CSMD3: variants seen among roughly 807,000 people sequenced by gnomAD.
CSMD3 encodes the protein CUB and Sushi multiple domains 3.
A neutral mutation model predicts 435.2 loss-of-function variants in CSMD3; 177 were observed. That is an observed-to-expected ratio of 0.41 (90% CI 0.36 to 0.46). The LOEUF (loss-of-function observed/expected upper bound fraction) is 0.46, where lower values mean the gene tolerates loss of function less well. Among genes scored for constraint, CSMD3 ranks in the 20% least tolerant of loss-of-function variants. CSMD3 has a pLI of 0.34. For synonymous variants in CSMD3, 1,656 were observed against 1,520.5 expected (o/e 1.09, Z -2.07); for missense variants, 4,265 against 4,504.6 (o/e 0.95, Z 1.52).
At position 112,589,599 on chromosome 8, in the gene CSMD3, T is replaced by C. The variant is rs375293596; in HGVS notation, c.3716-2364A>G. Among the ~76,000 whole-genome samples the C allele has an allele frequency of 7.2e-5, 11 of 152,316 alleles. 1 individual carries two copies. The highest frequency in any genetic ancestry group is 2.6e-4 in the African/African-American group (11 of 41,580). The stretch of plus-strand genomic sequence containing the variant: ...AGATTTTCATTATATATAACATGAT[T>C]AGCACAGCAAGTTTTCATAAAGCTT... On this transcript the variant is annotated intron_variant, in intron 22 of 70. Transcript: ENST00000297405.
At chr8:112,582,315 G>A (rs898959747) in intron 23 of CSMD3, among the ~76,000 whole-genome samples, 5 of 151,904 alleles carry the variant, frequency 3.3e-5, no homozygotes, top group African/African-American at 1.2e-4. Flanking sequence ...AGCTGATGTT[G>A]GTGCCATGTT....
chr8:112,886,394 A>C (rs1390165790), intron 10 of CSMD3, among the ~76,000 whole-genome samples: 1 of 151,318 alleles, frequency 6.6e-6, no homozygotes, highest in Non-Finnish European at 1.5e-5. Context: ...AAATTTTTAA[A>C]GTCTAAAGAA....
intron 32 of CSMD3, among the ~76,000 whole-genome samples, chr8:112,445,715 G>C (rs529261733): frequency 6.6e-6 from 1 of 152,186 alleles, no homozygotes; most frequent in African/African-American, 2.4e-5. Flanking sequence ...ACAACACAGA[G>C]AAATACACTG....
intron 32 of CSMD3, among the ~76,000 whole-genome samples, chr8:112,463,491 G>A (rs2130695408): frequency 6.6e-6 from 1 of 152,316 alleles, no homozygotes; most frequent in South Asian, 2.1e-4. Context: ...CTTGGTAACT[G>A]GCTCTGCTGT....
intron 4 of CSMD3, among the ~76,000 whole-genome samples, chr8:113,154,706 AAAC>A (rs1424852975): frequency 6.6e-6 from 1 of 152,064 alleles, no homozygotes. Flanking sequence ...TGGAATGCTG[AAAC>A]AACAATAGCT....
rs139705600 is a variant in CSMD3 at position 112,523,646 on chromosome 8, A to T, written c.4565-6421T>A. ...AACCTGTGAGAAAAATCTCATCCAG[A>T]GTCAAATCAATTAGAAAATATTTGA... On this transcript the variant is annotated intron_variant, in intron 27 of 70. Transcript: ENST00000297405. 3.6e-3 allele frequency among the ~76,000 whole-genome samples: 543 copies of T among 152,176 alleles called. 1 individual carries two copies. The highest frequency in any genetic ancestry group is 0.013 in the African/African-American group (521 of 41,574).
chr8:112,644,019 A>C (rs997161774), intron 20 of CSMD3, among the ~76,000 whole-genome samples: 22 of 151,628 alleles, frequency 1.5e-4, no homozygotes, highest in African/African-American at 5.3e-4. Context: ...TTCTATATTA[A>C]AATCAATAAA....
chr8:112,977,755 T>C (rs1408928487), intron 6 of CSMD3, among the ~76,000 whole-genome samples: 3 of 152,126 alleles, frequency 2.0e-5, no homozygotes, highest in East Asian at 3.9e-4. Flanking sequence ...TTTTTAAGCA[T>C]GAATCAGATA....
intron 9 of CSMD3, among the ~76,000 whole-genome samples, chr8:112,944,863 G>A (rs79231335): frequency 0.057 from 8,579 of 151,504 alleles, 842 homozygotes; most frequent in African/African-American, 0.19. Context: ...GACATCACAA[G>A]TTCTCTTGTC....
intron 4 of CSMD3, among the ~76,000 whole-genome samples, chr8:113,109,514 C>T (rs542972810): frequency 5.9e-5 from 9 of 152,310 alleles, no homozygotes; most frequent in African/African-American, 2.2e-4. Context: ...AAAGGGGTAA[C>T]AAGTAAGACT....
At chr8:113,200,779 A>C (rs1221063632) in intron 3 of CSMD3, among the ~76,000 whole-genome samples, 1 of 151,444 alleles carries the variant, frequency 6.6e-6, no homozygotes, top group East Asian at 2.0e-4. Context: ...TTTATTTTTT[A>C]ATCTCCAGTT....
At chr8:112,616,262 C>G (rs1404531792) in intron 22 of CSMD3, among the ~76,000 whole-genome samples, 1 of 151,904 alleles carries the variant, frequency 6.6e-6, no homozygotes, top group Non-Finnish European at 1.5e-5. Context: ...GGTAAGTACT[C>G]AAAAATTATA....
intron 3 of CSMD3, among the ~76,000 whole-genome samples, chr8:113,247,898 T>G (rs1486940997): frequency 6.6e-6 from 1 of 152,060 alleles, no homozygotes; most frequent in African/African-American, 2.4e-5. Context: ...ATAACAAAAT[T>G]TCTACACTTG....
intron 10 of CSMD3, among the ~76,000 whole-genome samples, chr8:112,905,802 A>T (rs2082245772): frequency 1.3e-5 from 2 of 151,386 alleles, no homozygotes; most frequent in Admixed American, 1.3e-4. Flanking sequence ...CTGACCTACG[A>T]GTCTTTGGAC....
At chr8:113,003,772 T>C (rs1367593082) in intron 6 of CSMD3, among the ~76,000 whole-genome samples, 1 of 152,054 alleles carries the variant, frequency 6.6e-6, no homozygotes, top group Non-Finnish European at 1.5e-5. Context: ...TCTACGATGC[T>C]ATAGAAACCA....
intron 70 of CSMD3, among the ~76,000 whole-genome samples, chr8:112,227,610 A>G (rs1020730608): frequency 2.6e-5 from 4 of 152,226 alleles, no homozygotes; most frequent in African/African-American, 9.6e-5. Context: ...AGGTTGTCCT[A>G]TAAATAAATT....
At chr8:113,190,563 TGTAA>T (rs1253653496) in intron 3 of CSMD3, among the ~76,000 whole-genome samples, 2 of 151,810 alleles carry the variant, frequency 1.3e-5, no homozygotes, top group Non-Finnish European at 2.9e-5. Context: ...TTGAAGCCAT[TGTAA>T]GTATCTTTTC....
intron 14 of CSMD3, among the ~76,000 whole-genome samples, chr8:112,687,282 T>C (rs1015212721): frequency 6.6e-6 from 1 of 152,002 alleles, no homozygotes; most frequent in African/African-American, 2.4e-5. Context: ...CGCATTTCTT[T>C]GACTACTAGA....
chr8:112,385,812 A>G (rs1829892150), intron 36 of CSMD3, among the ~76,000 whole-genome samples: 1 of 152,160 alleles, frequency 6.6e-6, no homozygotes, highest in Admixed American at 6.5e-5. Context: ...AGACATCTCC[A>G]AGAAAATCTA....
Sources: gnomAD v4.1 joint callset for allele counts (sites outside exome capture counted in the v4.1 genomes callset) on GRCh38, gnomAD v4.1.1 for gene constraint, MANE v1.5 for transcripts, NCBI Gene and HGNC (gene_info 2026-07-23, HGNC 2026-07-21) for gene names.